The following LOC128462377 variants were observed in gnomAD, a reference collection of about 807,000 sequenced individuals.
the LOC128462377 span, among the ~76,000 whole-genome samples, chr16:89,330,218 C>G: frequency 6.6e-6 from 1 of 152,108 alleles, no homozygotes; most frequent in South Asian, 2.1e-4. Flanking sequence ...AGCTGTGTGT[C>G]CGGTCAGGGG....
At chr16:89,409,131 C>T in the LOC128462377 span, among the ~76,000 whole-genome samples, 1 of 152,170 alleles carries the variant, frequency 6.6e-6, no homozygotes, top group Non-Finnish European at 1.5e-5. Flanking sequence ...GGTATCAGGC[C>T]CCTCAAAGAG....
chr16:89,317,059 G>A, the LOC128462377 span: 8 of 1,590,594 alleles, frequency 5.0e-6, no homozygotes, highest in East Asian at 1.6e-4. Context: ...CACGGCCGGC[G>A]CTTCATCATC....
At chr16:89,405,627 C>G in the LOC128462377 span, among the ~76,000 whole-genome samples, 2 of 151,938 alleles carry the variant, frequency 1.3e-5, no homozygotes, top group Admixed American at 6.6e-5. Context: ...AGCCGCCATG[C>G]CCGGCTTTCT....
At chr16:89,346,109 C>T in the LOC128462377 span, among the ~76,000 whole-genome samples, 10 of 151,718 alleles carry the variant, frequency 6.6e-5, no homozygotes, top group African/African-American at 2.2e-4. Flanking sequence ...ATTAGCCGGG[C>T]GTGGTGCCGG....
the LOC128462377 span, among the ~76,000 whole-genome samples, chr16:89,351,942 A>G: frequency 7.9e-5 from 12 of 152,052 alleles, no homozygotes; most frequent in Admixed American, 2.0e-4. Flanking sequence ...AGACAGTCTC[A>G]CTCTGTCGCC....
chr16:89,401,896 C>T, the LOC128462377 span, among the ~76,000 whole-genome samples: 1 of 151,850 alleles, frequency 6.6e-6, no homozygotes, highest in Non-Finnish European at 1.5e-5. Flanking sequence ...ACACCAGAGA[C>T]TCCCCCATCC....
the LOC128462377 span, among the ~76,000 whole-genome samples, chr16:89,362,375 A>T: frequency 6.6e-6 from 1 of 152,182 alleles, no homozygotes; most frequent in South Asian, 2.1e-4. Flanking sequence ...GCAGAACCAA[A>T]ACCTGAGCTG....
chr16:89,406,747 G>A, the LOC128462377 span, among the ~76,000 whole-genome samples: 8 of 152,288 alleles, frequency 5.3e-5, no homozygotes, highest in East Asian at 7.7e-4. Flanking sequence ...GCTGATAAGC[G>A]ATCCCACCAA....
the LOC128462377 span, chr16:89,373,634 G>GA: frequency 6.6e-6 from 1 of 152,200 alleles, no homozygotes; most frequent in Non-Finnish European, 1.5e-5. Flanking sequence ...ACATTCCCAC[G>GA]AGCTGCTTTA....
At chr16:89,391,718 A>C in the LOC128462377 span, among the ~76,000 whole-genome samples, 1 of 152,346 alleles carries the variant, frequency 6.6e-6, no homozygotes, top group African/African-American at 2.4e-5. Context: ...AGAATCAGTA[A>C]GCACACTTGT....
chr16:89,365,442 G>T, the LOC128462377 span, among the ~76,000 whole-genome samples: 48 of 152,324 alleles, frequency 3.2e-4, 1 homozygote, highest in South Asian at 2.3e-3. Context: ...AGGGTGCAGG[G>T]GAGCCTCCCA....
chr16:89,345,059 C>A, the LOC128462377 span, among the ~76,000 whole-genome samples: 1 of 152,158 alleles, frequency 6.6e-6, no homozygotes, highest in East Asian at 1.9e-4. Flanking sequence ...AAGCCCAGCT[C>A]GGATGGTTTC....
the LOC128462377 span, among the ~76,000 whole-genome samples, chr16:89,380,480 T>C: frequency 9.8e-5 from 15 of 152,310 alleles, no homozygotes; most frequent in African/African-American, 3.4e-4. Context: ...GATAGCTTCC[T>C]TGGGGCTACT....
chr16:89,412,733 G>C, the LOC128462377 span, among the ~76,000 whole-genome samples: 1 of 152,102 alleles, frequency 6.6e-6, no homozygotes, highest in African/African-American at 2.4e-5. Flanking sequence ...TAAGCCAGCT[G>C]TAAAAAATGA....
At chr16:89,358,520 A>T in the LOC128462377 span, among the ~76,000 whole-genome samples, 3,160 of 152,350 alleles carry the variant, frequency 0.021, 122 homozygotes, top group African/African-American at 0.073. Flanking sequence ...TTTCCATGAT[A>T]TCATCACTAC....
chr16:89,413,227 A>G, the LOC128462377 span, among the ~76,000 whole-genome samples: 1 of 152,256 alleles, frequency 6.6e-6, no homozygotes, highest in Non-Finnish European at 1.5e-5. Flanking sequence ...TGATTCTACT[A>G]AACAATGGAG....
At chr16:89,411,356 G>A in the LOC128462377 span, among the ~76,000 whole-genome samples, 8 of 152,236 alleles carry the variant, frequency 5.3e-5, no homozygotes, top group South Asian at 1.7e-3. Flanking sequence ...CACCGGAAGA[G>A]GAGCAGGCTG....
At chr16:89,389,506 C>G in the LOC128462377 span, among the ~76,000 whole-genome samples, 1 of 152,144 alleles carries the variant, frequency 6.6e-6, no homozygotes, top group Non-Finnish European at 1.5e-5. Flanking sequence ...AACTCAGTTC[C>G]TCCCCACGGT....
the LOC128462377 span, among the ~76,000 whole-genome samples, chr16:89,383,513 T>C: frequency 3.9e-5 from 6 of 152,362 alleles, no homozygotes; most frequent in South Asian, 1.2e-3. Flanking sequence ...CAGTGGACGC[T>C]GCTGCCTCCT....
Sources: allele counts gnomAD v4.1 joint callset (sites outside exome capture counted in the v4.1 genomes callset), GRCh38; gene constraint gnomAD v4.1.1; transcripts MANE v1.5.